Variants in CUL9 observed in about 807,000 individuals in gnomAD.
The protein encoded by CUL9 is cullin 9.
CUL9 carries 79 observed loss-of-function variants against 272.6 expected under a neutral mutation model. The ratio of observed to expected loss-of-function variants is 0.29; its 90% CI spans 0.24 to 0.35. The LOEUF (loss-of-function observed/expected upper bound fraction) is 0.35. Among genes scored for constraint, CUL9 ranks in the 10% least tolerant of loss-of-function variants. The probability of loss-of-function intolerance (pLI) is 1.00; values close to 1 mark genes in which losing one functional copy is unlikely to be tolerated. For missense variants in CUL9, 2,532 were observed against 3,255.6 expected (o/e 0.78, Z 5.41); for synonymous variants, 1,186 against 1,286.5 (o/e 0.92, Z 1.67).
chr6:43,184,760 T>C lies in CUL9; in HGVS notation c.450T>C (p.Ser150=). 1 of 1,614,194 alleles carries C rather than the reference T, an allele frequency of 6.2e-7. No homozygotes were observed. The highest frequency in any genetic ancestry group is 8.5e-7 in the Non-Finnish European group (1 of 1,180,048). ...AAVLHTIHVL[S]AYASIGPLTG... ...TGCTTCACACCATCCACGTGCTCAG[T>C]GCCTACGCCAGCATCGGGCCCCTCA... Residue 150 remains serine (S), a synonymous_variant, in exon 2 of 41, where the codon AGT becomes AGC. Transcript: ENST00000252050. The surrounding 1 kb of genome is among the most constrained non-coding windows in gnomAD (Gnocchi z 4.8).
Position 43,184,198 on chromosome 6 carries a change from C to A in CUL9, c.-9-104C>A, listed in dbSNP as rs1207208725. The A allele has an allele frequency of 2.4e-6, 2 of 818,880 alleles. No homozygotes were observed. Among genetic ancestry groups the A allele is most frequent in the Non-Finnish European group, 3.6e-6 (2 of 563,126 alleles). 50.7% of individuals were successfully genotyped at this position (818,880 alleles called of 1,614,324 possible). A position where few individuals can be genotyped will look rare whatever the true frequency, so the allele number is the denominator to read the frequency against. ...TGGCCTCCTAAATTCTACCATGCAG[C>A]CTACCGATCACCACCCACCTTCTCT... On this transcript the variant is annotated intron_variant, in intron 1 of 40. Transcript: ENST00000252050. The surrounding 1 kb of genome is among the most constrained non-coding windows in gnomAD (Gnocchi z 4.8).
chr6:43,221,344 G>A lies in CUL9; in HGVS notation c.6752+23G>A, dbSNP rs1294817992. ...GCAGTAAGAAGGGGGGTACTGTGGG[G>A]AGCCAGAGGGCAAGGAGGGGGGAGG... On this transcript the variant is annotated intron_variant, in intron 34 of 40. Coordinates refer to ENST00000252050, the MANE Select transcript of CUL9 (RefSeq NM_015089.4). The surrounding 1 kb of genome is among the most constrained non-coding windows in gnomAD (Gnocchi z 4.2). 8 of 1,551,702 alleles carry A rather than the reference G, an allele frequency of 5.2e-6. No individual in the cohort carries two copies. Among genetic ancestry groups the A allele is most frequent in the African/African-American group, 1.4e-5 (1 of 72,680 alleles).
At chr6:43,190,849 A>G (rs993183817) in intron 8 of CUL9, among the ~76,000 whole-genome samples, 1 of 152,148 alleles carries the variant, frequency 6.6e-6, no homozygotes, top group Admixed American at 6.6e-5. Context: ...GCAAGAGTCA[A>G]TACCTGCTAT....
At chr6:43,222,462 C>CT in intron 36 of CUL9, 69 bp from the exon 37 acceptor site, 1 of 1,592,536 alleles carries the variant, frequency 6.3e-7, no homozygotes, top group Admixed American at 1.7e-5. Context: ...GGGGGGTGGG[C>CT]TGAAGGTCTG....
rs780143682 is a variant in CUL9 at position 43,184,736 on chromosome 6, G to T, written c.426G>T (p.Val142=). ...GGACCCCAAGCCTCACGGCCGCTGT[G>T]CTTCACACCATCCACGTGCTCAGTG... The part of the protein sequence containing the change: ...ESGTPSLTAA[V]LHTIHVLSAY... The change falls in exon 2 of 41, where the codon GTG becomes GTT. Residue 142 remains valine (V), a synonymous_variant. Coordinates refer to ENST00000252050, the MANE Select transcript of CUL9 (RefSeq NM_015089.4). The surrounding 1 kb of genome is among the most constrained non-coding windows in gnomAD (Gnocchi z 4.8). 1 of 1,614,104 alleles carries T rather than the reference G, an allele frequency of 6.2e-7. No homozygotes were observed. The highest frequency in any genetic ancestry group is 1.7e-5 in the Admixed American group (1 of 60,008).
At position 43,213,365 on chromosome 6, in the gene CUL9, G is replaced by T. The variant is rs1249849502; in HGVS notation, c.5358+71G>T. 5.0e-6 allele frequency: 8 copies of T among 1,610,326 alleles called. No homozygotes were observed. The Admixed American group carries it at 1.3e-4, about 27-fold the overall frequency. The stretch of plus-strand genomic sequence containing the variant: ...TGTCGCTGTTCTCCTCCTAAACCCT[G>T]TTCCTCCTTCATCCTTACTCCCCTC... On this transcript the variant is annotated intron_variant, in intron 27 of 40. Coordinates refer to ENST00000252050, the MANE Select transcript of CUL9 (RefSeq NM_015089.4). This position sits in a 1 kb window ranked among gnomAD's most constrained non-coding sequence, Gnocchi z 5.7.
At chr6:43,189,619 C>T (rs1773255691) in intron 8 of CUL9, among the ~76,000 whole-genome samples, 1 of 152,186 alleles carries the variant, frequency 6.6e-6, no homozygotes, top group South Asian at 2.1e-4. Flanking sequence ...TCTTGGCTCA[C>T]TGCAACCTCC....
Position 43,215,067 on chromosome 6 carries a change from C to T in CUL9, c.5689-12C>T. The stretch of plus-strand genomic sequence containing the variant: ...ATAAAAGTGGACTTCTTGTTTCTTT[C>T]CTCCTATCCAGGTGCTGGAGGCCTG... On this transcript the variant is annotated splice_polypyrimidine_tract_variant and intron_variant, in intron 29 of 40. Coordinates refer to ENST00000252050, the MANE Select transcript of CUL9 (RefSeq NM_015089.4). 6.3e-7 allele frequency: 1 copy of T among 1,583,424 alleles called. No individual in the cohort carries two copies. Among genetic ancestry groups the T allele is most frequent in the Non-Finnish European group, 8.6e-7 (1 of 1,162,166 alleles).
rs747908851 is a variant in CUL9 at position 43,196,839 on chromosome 6, C to T, written c.2780C>T (p.Pro927Leu). Residue 927 changes from proline to leucine, a missense_variant, in exon 11 of 41, where the codon CCG (proline) becomes CTG (leucine). By Grantham distance (98) the Pro-to-Leu change is moderately conservative. Around this residue, in one of 3 missense-constraint regions of CUL9, gnomAD observed 2,218 missense variants for 2,788.6 expected, o/e 0.80. Coordinates refer to ENST00000252050, the MANE Select transcript of CUL9 (RefSeq NM_015089.4). The part of the protein sequence containing the change: ...LMMLLNRYSE[P>L]PGSPERAALE... ...ATGCTTCTCAATCGCTACTCAGAGC[C>T]GCCGGGCAGCCCTGAGCGTGCAGGT... 1.2e-5 allele frequency: 20 copies of T among 1,613,982 alleles called. No individual in the cohort carries two copies. The highest frequency in any genetic ancestry group is 1.6e-4 in the Middle Eastern group (1 of 6,084).
At chr6:43,212,852 T>G in intron 26 of CUL9, 2 of 321,286 alleles carry the variant, frequency 6.2e-6, no homozygotes, top group Non-Finnish European at 1.2e-5. Flanking sequence ...TTTAAAACTG[T>G]GAGCTCCTTG....
intron 8 of CUL9, among the ~76,000 whole-genome samples, chr6:43,192,767 T>C (rs1773643974): frequency 6.6e-6 from 1 of 152,212 alleles, no homozygotes; most frequent in Non-Finnish European, 1.5e-5. Context: ...AGCCAGAGTT[T>C]ATAAACATTT....
chr6:43,220,484 C>CTCGGA lies in CUL9; in HGVS notation c.6312_6316dup (p.Glu2106GlyfsTer8). The CTCGGA allele has an allele frequency of 6.2e-7, 1 of 1,614,176 alleles. No homozygotes were observed. The highest frequency in any genetic ancestry group is 1.1e-5 in the South Asian group (1 of 91,086). On this transcript the variant is annotated frameshift_variant, in exon 32 of 41. Coordinates refer to ENST00000252050, the MANE Select transcript of CUL9 (RefSeq NM_015089.4). LOFTEE classifies it high-confidence loss of function. This position sits in a 1 kb window ranked among gnomAD's most constrained non-coding sequence, Gnocchi z 4.9. ...TCTTGCTGGAATGAGTACCTGACAA[C>CTCGGA]TCGGATCGAGCAGAACCTTGTTTTG... is the stretch of plus-strand genomic sequence containing the variant.
In CUL9 at chr6:43,184,348, C is replaced by T; in HGVS notation, c.38C>T (p.Pro13Leu). The T allele has an allele frequency of 1.3e-6, 2 of 1,576,952 alleles. No individual in the cohort carries two copies. Among genetic ancestry groups the T allele is most frequent in the Non-Finnish European group, 1.7e-6 (2 of 1,157,686 alleles). ...CGGCATGCTGGGGACCTCATGGTGCCCTTAGGGCCTCGGCTGCAGGCATAT... is the reference window on the plus strand; with the variant it reads ...CGGCATGCTGGGGACCTCATGGTGCTCTTAGGGCCTCGGCTGCAGGCATAT... ...GERHAGDLMV[P>L]LGPRLQAYPE... The change falls in exon 2 of 41, where the codon CCC becomes CTC. Residue 13 changes from proline to leucine, a missense_variant. Transcript: ENST00000252050. The surrounding 1 kb of genome is among the most constrained non-coding windows in gnomAD (Gnocchi z 4.8).
chr6:43,220,251 A>C lies in CUL9; in HGVS notation c.6283-208A>C, dbSNP rs1776240773. Among the ~76,000 whole-genome samples, 1 of 152,106 alleles carries C rather than the reference A, an allele frequency of 6.6e-6. No individual in the cohort carries two copies. The highest frequency in any genetic ancestry group is 6.5e-5 in the Admixed American group (1 of 15,270). The stretch of plus-strand genomic sequence containing the variant: ...ATTAGGCAAATACACAGCCCACCCC[A>C]TCCTCAAAGACAACTGTAATTTGGG... On this transcript the variant is annotated intron_variant, in intron 31 of 40. Coordinates refer to ENST00000252050, the MANE Select transcript of CUL9 (RefSeq NM_015089.4). This position sits in a 1 kb window ranked among gnomAD's most constrained non-coding sequence, Gnocchi z 4.9.
At chr6:43,202,994 C>A in intron 17 of CUL9, 115 bp from the exon 18 acceptor site, 1 of 1,274,144 alleles carries the variant, frequency 7.8e-7, no homozygotes, top group Non-Finnish European at 1.1e-6. Flanking sequence ...CATCCCTAGG[C>A]TCTGCGGGAG....
chr6:43,211,790 A>G (rs1775524215), intron 26 of CUL9, among the ~76,000 whole-genome samples: 2 of 152,170 alleles, frequency 1.3e-5, no homozygotes, highest in Admixed American at 1.3e-4. Context: ...TTAAAAGATA[A>G]GTACTCTTTG....
rs192290136 is a variant in CUL9, at chr6:43,211,094, C to G, written c.5213-2055C>G. ...AAATCTTAACTCCAGCTCTAACTCC[C>G]ATATTAGTTATTACTGTTGTTCCAT... On this transcript the variant is annotated intron_variant, in intron 26 of 40. Transcript: ENST00000252050. 1.2e-3 allele frequency among the ~76,000 whole-genome samples: 181 copies of G among 152,318 alleles called. 1 individual carries two copies. The highest frequency in any genetic ancestry group is 3.4e-3 in the Middle Eastern group (1 of 294).
In CUL9 at chr6:43,202,621, T is replaced by C. The variant is rs1774696171; in HGVS notation, c.3648-95T>C. ...TTGATCTTAAACTAGCCTCAAGCGATCCTCCCACCTCAGCCTCCCAAAGTG... is the reference window on the plus strand; with the variant it reads ...TTGATCTTAAACTAGCCTCAAGCGACCCTCCCACCTCAGCCTCCCAAAGTG... On this transcript the variant is annotated intron_variant, in intron 16 of 40. Transcript: ENST00000252050. 13 of 1,007,180 alleles carry C rather than the reference T, an allele frequency of 1.3e-5. No homozygotes were observed. The Admixed American group carries it at 2.2e-4, about 17-fold the overall frequency. The allele number at this position is 1,007,180 out of a possible 1,614,324, so 62.4% of individuals were successfully genotyped here. A position where few individuals can be genotyped will look rare whatever the true frequency, so the allele number is the denominator to read the frequency against.
chr6:43,222,855 A>AGAAC lies in CUL9; in HGVS notation c.7110_7113dup (p.Leu2372GlufsTer100). ...ATGGATGTGGTGGAGCAGCAGACAG[A>AGAAC]GAACCTGGAGCTGCACACCAATGCC... is the stretch of plus-strand genomic sequence containing the variant. On this transcript the variant is annotated frameshift_variant, in exon 38 of 41. Transcript: ENST00000252050. LOFTEE classifies it high-confidence loss of function. 6 of 1,613,932 alleles carry AGAAC rather than the reference A, an allele frequency of 3.7e-6. No individual in the cohort carries two copies. The highest frequency in any genetic ancestry group is 5.1e-6 in the Non-Finnish European group (6 of 1,179,906).
Sources: gnomAD v4.1 joint callset for allele counts (sites outside exome capture counted in the v4.1 genomes callset) on GRCh38, gnomAD v4.1.1 for gene constraint, gnomAD v4.1.1 regional missense constraint, Gnocchi (gnomAD v3.1) non-coding constraint, MANE v1.5 for transcripts, NCBI Gene and HGNC (gene_info 2026-07-23, HGNC 2026-07-21) for gene names.